The following C8orf89 variants were observed in gnomAD, a reference collection of about 807,000 sequenced individuals.
C8orf89 encodes chromosome 8 open reading frame 89.
A neutral mutation model predicts 15.8 loss-of-function variants in C8orf89; 14 were observed. That is an observed-to-expected ratio of 0.89 (90% confidence interval 0.59 to 1.39). The LOEUF is 1.39. Ranked by LOEUF, C8orf89 falls within the 40% of genes most tolerant of loss-of-function variation. The pLI, the probability that C8orf89 is intolerant of heterozygous loss-of-function variation, is 0.00. For synonymous variants in C8orf89, 55 were observed against 62.2 expected (o/e 0.88, Z 0.54); for missense variants, 181 against 184.5 (o/e 0.98, Z 0.11).
At chr8:73,261,165 C>G (rs1270426407), upstream of C8orf89, among the ~76,000 whole-genome samples, 1 of 152,212 alleles carries the variant, frequency 6.6e-6, no homozygotes, top group Non-Finnish European at 1.5e-5. Flanking sequence ...GAGACTTTAC[C>G]TTGTGATCAC....
At chr8:73,277,913 G>A in the C8orf89 span, 1 of 675,360 alleles carries the variant, frequency 1.5e-6, no homozygotes, top group Non-Finnish European at 2.8e-6. Context: ...GTACTCCAGT[G>A]CCGCTTTCTG....
the C8orf89 span, among the ~76,000 whole-genome samples, chr8:73,272,450 T>A: frequency 0.065 from 9,891 of 151,988 alleles, 421 homozygotes; most frequent in Non-Finnish European, 0.084. Flanking sequence ...TTCTTTTTTT[T>A]AATATATATA....
intron 3 of C8orf89, among the ~76,000 whole-genome samples, chr8:73,243,482 A>G (rs1813053882): frequency 6.6e-6 from 1 of 152,166 alleles, no homozygotes; most frequent in Non-Finnish European, 1.5e-5. Context: ...AGTTTTTGAT[A>G]TAACACATAT....
At chr8:73,276,713 C>T in the C8orf89 span, among the ~76,000 whole-genome samples, 41 of 151,462 alleles carry the variant, frequency 2.7e-4, no homozygotes, top group African/African-American at 9.9e-4. Context: ...CAACCATCAA[C>T]TTTTCTTAGA....
chr8:73,255,182 A>T (rs1341271845), intron 2 of C8orf89, among the ~76,000 whole-genome samples: 6 of 152,108 alleles, frequency 3.9e-5, no homozygotes, highest in African/African-American at 7.2e-5. Flanking sequence ...TGAACAGGCA[A>T]CCTACAAAAT....
chr8:73,275,468 C>T, the C8orf89 span, among the ~76,000 whole-genome samples: 6 of 152,060 alleles, frequency 3.9e-5, no homozygotes, highest in Non-Finnish European at 8.8e-5. Flanking sequence ...AAACTCCTGA[C>T]CTCAAGTGAT....
rs562268681 is a variant in C8orf89 at position 73,256,033 on chromosome 8, G to A, written c.281+940C>T. 8.6e-3 allele frequency among the ~76,000 whole-genome samples: 1,294 copies of A among 151,156 alleles called. 21 individuals carry two copies. The highest frequency in any genetic ancestry group is 0.03 in the African/African-American group (1,213 of 40,960). ...TAAATGACGAGTTAATGGGTGCAGCGCACCAGCATGGCACATGTATACATA... is the reference window on the plus strand; with the variant it reads ...TAAATGACGAGTTAATGGGTGCAGCACACCAGCATGGCACATGTATACATA... On this transcript the variant is annotated intron_variant, in intron 2 of 3. Transcript: ENST00000624510.
chr8:73,275,078 T>C, the C8orf89 span, among the ~76,000 whole-genome samples: 23 of 152,324 alleles, frequency 1.5e-4, no homozygotes, highest in South Asian at 8.3e-4. Flanking sequence ...TTGGATTCAC[T>C]GGTTTGTAAG....
chr8:73,241,399 A>T lies in C8orf89; in HGVS notation c.*58T>A, dbSNP rs999473969. Reference sequence around the variant, plus strand: ...ATCATTTTGCATCATATCATATAAAAAAAGAAAATATAAAGCTTAAAAGTC... The same window carrying T: ...ATCATTTTGCATCATATCATATAAATAAAGAAAATATAAAGCTTAAAAGTC... On this transcript the variant is annotated 3_prime_UTR_variant, in exon 4 of 4. Coordinates refer to ENST00000624510, the MANE Select transcript of C8orf89 (RefSeq NM_001243237.3). The T allele has an allele frequency of 4.6e-6, 6 of 1,307,046 alleles. No homozygotes were observed. The African/African-American group carries it at 8.9e-5, about 19-fold the overall frequency. 81.0% of individuals were successfully genotyped at this position (1,307,046 alleles called of 1,614,324 possible).
intron 3 of C8orf89, among the ~76,000 whole-genome samples, chr8:73,248,847 CTA>C (rs1813185187): frequency 6.6e-6 from 1 of 152,106 alleles, no homozygotes; most frequent in South Asian, 2.1e-4. Context: ...TGGGCCAAGA[CTA>C]TGGGGTTTTC....
Position 73,241,581 on chromosome 8 carries a change from G to C in C8orf89, c.362C>G (p.Thr121Ser), listed in dbSNP as rs1813007909. Residue 121 changes from threonine to serine, a missense_variant, in exon 4 of 4, where the codon ACT (threonine) becomes AGT (serine). Transcript: ENST00000624510. Reference protein sequence around the residue: ...SKGSGFSDPLTGAPSQYLERL... With the variant: ...SKGSGFSDPLSGAPSQYLERL... ...CTCTAAGTATTGAGATGGTGCTCCA[G>C]TGAGAGGATCACTGAAGCCAGAACC... 6.5e-7 allele frequency: 1 copy of C among 1,526,872 alleles called. No homozygotes were observed. Among genetic ancestry groups the C allele is most frequent in the Admixed American group, 2.0e-5 (1 of 50,462 alleles). The allele number at this position is 1,526,872 out of a possible 1,614,324, so 94.6% of individuals were successfully genotyped here. A position where few individuals can be genotyped will look rare whatever the true frequency, so the allele number is the denominator to read the frequency against.
intron 3 of C8orf89, among the ~76,000 whole-genome samples, chr8:73,249,951 T>C (rs1480153193): frequency 5.9e-5 from 9 of 152,086 alleles, no homozygotes; most frequent in Non-Finnish European, 1.3e-4. Flanking sequence ...CTAATGTGAT[T>C]AGAAGTCAAA....
chr8:73,252,644 A>G (rs1184976799), intron 2 of C8orf89, among the ~76,000 whole-genome samples: 1 of 152,182 alleles, frequency 6.6e-6, no homozygotes, highest in Admixed American at 6.5e-5. Context: ...TTTCAAGAGT[A>G]CTTAAAAAGA....
At chr8:73,263,926 C>T (rs962606872), upstream of C8orf89, among the ~76,000 whole-genome samples, 1 of 152,132 alleles carries the variant, frequency 6.6e-6, no homozygotes, top group Non-Finnish European at 1.5e-5. Flanking sequence ...GCCTCTGGTC[C>T]CAACATTTTC....
chr8:73,282,893 T>C, the C8orf89 span, among the ~76,000 whole-genome samples: 2 of 152,302 alleles, frequency 1.3e-5, no homozygotes, highest in South Asian at 4.1e-4. Flanking sequence ...GAACCATGAA[T>C]TAAATTCAAA....
intron 2 of C8orf89, 81 bp downstream of exon 2, chr8:73,256,892 C>A: frequency 6.8e-6 from 6 of 883,290 alleles, no homozygotes; most frequent in Non-Finnish European, 7.6e-6. Flanking sequence ...ATGCAATTCA[C>A]TGACCAGAAA....
intron 3 of C8orf89, among the ~76,000 whole-genome samples, chr8:73,248,107 G>T (rs1586161974): frequency 6.6e-6 from 1 of 151,998 alleles, no homozygotes; most frequent in Non-Finnish European, 1.5e-5. Flanking sequence ...ATCTTGAGTT[G>T]ATTTTTGTAT....
rs533625784 is a variant in C8orf89, at chr8:73,249,072, C to T, written c.337+1196G>A. 2.0e-5 allele frequency among the ~76,000 whole-genome samples: 3 copies of T among 152,150 alleles called. No individual in the cohort carries two copies. The South Asian group carries it at 6.2e-4, about 32-fold the overall frequency. On this transcript the variant is annotated intron_variant, in intron 3 of 3. Coordinates refer to ENST00000624510, the MANE Select transcript of C8orf89 (RefSeq NM_001243237.3). ...TTGGCTGTGGGTTTGTCATAGATGG[C>T]TTTTATTATTTTATGGTATGTCCTT...
the C8orf89 span, among the ~76,000 whole-genome samples, chr8:73,268,924 A>G: frequency 6.6e-6 from 1 of 152,196 alleles, no homozygotes; most frequent in African/African-American, 2.4e-5. Context: ...GCTCCTGCCT[A>G]CAGGAAGAAG....
Sources: allele counts gnomAD v4.1 joint callset (sites outside exome capture counted in the v4.1 genomes callset), GRCh38; gene constraint gnomAD v4.1.1; transcripts MANE v1.5; gene names NCBI Gene and HGNC (gene_info 2026-07-23, HGNC 2026-07-21).